METTL15: variants seen among roughly 807,000 people sequenced by gnomAD.
METTL15 encodes the protein 12S rRNA N(4)-cytidine methyltransferase METTL15.
Under a neutral mutation model 38.3 loss-of-function variants are expected in METTL15, and 34 were observed. The ratio of observed to expected loss-of-function variants is 0.89; its 90% confidence interval spans 0.68 to 1.18. METTL15 has a LOEUF of 1.18. Among genes scored for constraint, METTL15 ranks in the 50% most tolerant of loss-of-function variants. The pLI is 0.00. For missense variants in METTL15, 438 were observed against 498.4 expected, an observed-to-expected ratio of 0.88 and a Z score of 1.15; for synonymous variants, 162 against 170.9, an observed-to-expected ratio of 0.95 and a Z score of 0.41.
At chr11:28,190,864 G>C (rs1851675397) in intron 3 of METTL15, among the ~76,000 whole-genome samples, 2 of 151,256 alleles carry the variant, frequency 1.3e-5, no homozygotes, top group Non-Finnish European at 3.0e-5. Context: ...AATATTTTAT[G>C]TACTTAGCTC....
intron 6 of METTL15, among the ~76,000 whole-genome samples, chr11:28,445,373 A>G (rs945196105): frequency 6.6e-6 from 1 of 152,106 alleles, no homozygotes; most frequent in Non-Finnish European, 1.5e-5. Flanking sequence ...TTAATGCCTT[A>G]GTTTCTTTTT....
At chr11:28,178,905 A>T (rs555788469) in intron 3 of METTL15, among the ~76,000 whole-genome samples, 3 of 151,926 alleles carry the variant, frequency 2.0e-5, no homozygotes, top group African/African-American at 7.2e-5. Context: ...CATCATCAAG[A>T]AAACAAGAAG....
At chr11:28,195,590 G>A (rs11030237) in intron 3 of METTL15, among the ~76,000 whole-genome samples, 13,355 of 151,724 alleles carry the variant, frequency 0.088, 1,054 homozygotes, top group East Asian at 0.36. Context: ...TTCGAGTTCC[G>A]TGTGGATTCT....
At chr11:28,207,949 G>C (rs573228249) in intron 3 of METTL15, among the ~76,000 whole-genome samples, 1 of 152,106 alleles carries the variant, frequency 6.6e-6, no homozygotes, top group African/African-American at 2.4e-5. Flanking sequence ...TGGGATCTGT[G>C]GTGATATCCC....
At chr11:28,211,008 A>T in intron 3 of METTL15, 54 bp from the exon 4 acceptor site, 4 of 1,535,072 alleles carry the variant, frequency 2.6e-6, no homozygotes, top group Non-Finnish European at 3.5e-6. Context: ...GATAGTTGTC[A>T]AGAATAAGTT....
intron 3 of METTL15, among the ~76,000 whole-genome samples, chr11:28,190,934 C>T (rs1325869664): frequency 6.6e-6 from 1 of 151,240 alleles, no homozygotes; most frequent in Non-Finnish European, 1.5e-5. Flanking sequence ...CACTAATGAG[C>T]CTTATCCTAG....
At chr11:28,510,381 T>G (rs996729324) in intron 6 of METTL15, among the ~76,000 whole-genome samples, 4 of 152,218 alleles carry the variant, frequency 2.6e-5, no homozygotes, top group Non-Finnish European at 5.9e-5. Flanking sequence ...GACCTTTATC[T>G]AAATTAAAGA....
At chr11:28,150,779 A>G (rs900273612) in intron 3 of METTL15, among the ~76,000 whole-genome samples, 1 of 151,986 alleles carries the variant, frequency 6.6e-6, no homozygotes, top group African/African-American at 2.4e-5. Context: ...TCAAGAGTTG[A>G]GACTTTAGCT....
At chr11:28,378,368 T>C (rs768331270) in intron 5 of METTL15, among the ~76,000 whole-genome samples, 5 of 152,200 alleles carry the variant, frequency 3.3e-5, no homozygotes, top group Non-Finnish European at 7.3e-5. Flanking sequence ...TGCATCGCTT[T>C]TTAAGCCTGT....
chr11:28,396,922 T>C (rs1195554357), intron 5 of METTL15, among the ~76,000 whole-genome samples: 1 of 152,066 alleles, frequency 6.6e-6, no homozygotes, highest in Non-Finnish European at 1.5e-5. Context: ...AACAGAGCCC[T>C]CAGAAATAAT....
chr11:28,211,800 A>G (rs181670218), intron 4 of METTL15, among the ~76,000 whole-genome samples: 153 of 152,212 alleles, frequency 1.0e-3, no homozygotes, highest in African/African-American at 1.9e-3. Flanking sequence ...GTTTAAAGCC[A>G]TCATTTTAAA....
At position 28,424,470 on chromosome 11, in the gene METTL15, G is replaced by C. The variant is rs970433917; in HGVS notation, c.*424+106G>C. 2.0e-5 allele frequency: 3 copies of C among 152,346 alleles called. 1 individual carries two copies. Among genetic ancestry groups the C allele is most frequent in the Middle Eastern group, 3.4e-3 (1 of 294 alleles). 9.4% of individuals were successfully genotyped at this position (152,346 alleles called of 1,614,324 possible). ...AGATACATATGACAAAGACAGGTAGGAGGGAAGCAAAGAGGGGCATCGGTT... is the reference window on the plus strand; with the variant it reads ...AGATACATATGACAAAGACAGGTAGCAGGGAAGCAAAGAGGGGCATCGGTT... On this transcript the variant is annotated intron_variant and NMD_transcript_variant, in intron 6 of 7. Transcript: ENST00000532947.
intron 6 of METTL15, among the ~76,000 whole-genome samples, chr11:28,488,907 A>G (rs1851459097): frequency 6.6e-6 from 1 of 152,064 alleles, no homozygotes; most frequent in African/African-American, 2.4e-5. Context: ...TGGTGAATCA[A>G]ATACCAAGCA....
chr11:28,523,436 C>A (rs1296186966), intron 6 of METTL15, among the ~76,000 whole-genome samples: 2 of 152,162 alleles, frequency 1.3e-5, no homozygotes, highest in Non-Finnish European at 2.9e-5. Flanking sequence ...TTGAAAATGG[C>A]AGAACGACAT....
intron 2 of METTL15, among the ~76,000 whole-genome samples, chr11:28,111,361 T>C (rs1252673724): frequency 1.3e-5 from 2 of 152,242 alleles, no homozygotes; most frequent in African/African-American, 4.8e-5. Flanking sequence ...GTTATCAAAA[T>C]CTGGACATAT....
chr11:28,247,893 A>G (rs1854578902), intron 4 of METTL15, among the ~76,000 whole-genome samples: 1 of 152,140 alleles, frequency 6.6e-6, no homozygotes, highest in Non-Finnish European at 1.5e-5. Context: ...TGAGTAGCTT[A>G]TTTTAACCAA....
intron 4 of METTL15, among the ~76,000 whole-genome samples, chr11:28,250,194 G>A (rs1332628714): frequency 6.6e-6 from 1 of 151,976 alleles, no homozygotes; most frequent in African/African-American, 2.4e-5. Context: ...TAGTGTACAT[G>A]TATCTTTATG....
At chr11:28,377,912 G>T (rs1850336049) in intron 5 of METTL15, among the ~76,000 whole-genome samples, 1 of 152,104 alleles carries the variant, frequency 6.6e-6, no homozygotes, top group Admixed American at 6.6e-5. Context: ...GGAGTACCCT[G>T]CAGTGTGAGG....
chr11:28,491,472 C>T (rs2133482100), intron 6 of METTL15, among the ~76,000 whole-genome samples: 1 of 152,194 alleles, frequency 6.6e-6, no homozygotes, highest in East Asian at 1.9e-4. Flanking sequence ...ATGGTCTAGG[C>T]AGAGCCAATA....
Sources: allele counts gnomAD v4.1 joint callset (sites outside exome capture counted in the v4.1 genomes callset), GRCh38; gene constraint gnomAD v4.1.1; transcripts MANE v1.5; gene names NCBI Gene and HGNC (gene_info 2026-07-23, HGNC 2026-07-21).